The following CA10 variants were observed in gnomAD, a reference collection of about 807,000 sequenced individuals.
CA10 encodes the protein carbonic anhydrase 10 (inactive), also known as carbonic anhydrase-related protein 10.
In CA10, 14 loss-of-function variants were observed where a neutral mutation model predicts 44.2. The ratio of observed to expected loss-of-function variants is 0.32; its 90% confidence interval spans 0.21 to 0.50. CA10 has a LOEUF of 0.50. Ranked by LOEUF, CA10 falls within the 20% of genes least tolerant of loss-of-function variation. CA10 has a pLI of 0.99. For missense variants in CA10, 350 were observed against 409.7 expected (o/e 0.85, Z 1.26); for synonymous variants, 159 against 141.6 (o/e 1.12, Z -0.87).
chr17:51,725,069 C>T (rs1001583530), intron 4 of CA10, among the ~76,000 whole-genome samples: 3 of 152,194 alleles, frequency 2.0e-5, no homozygotes, highest in African/African-American at 4.8e-5. Flanking sequence ...GCCTGAGACT[C>T]GAAGAGGTGA....
At chr17:52,027,018 T>G (rs934977615) in intron 2 of CA10, among the ~76,000 whole-genome samples, 7 of 152,080 alleles carry the variant, frequency 4.6e-5, no homozygotes, top group Non-Finnish European at 8.8e-5. Flanking sequence ...TTTAAATAAT[T>G]ATACAACCTC....
intron 3 of CA10, among the ~76,000 whole-genome samples, chr17:51,909,572 G>C (rs1981706205): frequency 6.6e-6 from 1 of 152,134 alleles, no homozygotes; most frequent in Non-Finnish European, 1.5e-5. Context: ...ACAGTGTTGA[G>C]ATGAAACGGA....
At chr17:51,963,977 G>C (rs191762243) in intron 2 of CA10, among the ~76,000 whole-genome samples, 83 of 152,050 alleles carry the variant, frequency 5.5e-4, no homozygotes, top group African/African-American at 1.9e-3. Flanking sequence ...GTTGCTAGTT[G>C]GATAAAAAAC....
At chr17:51,690,584 T>G (rs927192043) in intron 4 of CA10, among the ~76,000 whole-genome samples, 1 of 152,164 alleles carries the variant, frequency 6.6e-6, no homozygotes, top group Non-Finnish European at 1.5e-5. Context: ...GTTCTTGTGA[T>G]AGTGAATAAG....
chr17:51,875,229 T>C (rs1319780548), intron 3 of CA10, among the ~76,000 whole-genome samples: 2 of 152,156 alleles, frequency 1.3e-5, no homozygotes, highest in African/African-American at 2.4e-5. Context: ...CAAGTTAGTC[T>C]TGAACTCCTG....
chr17:51,649,335 T>C, intron 5 of CA10, 81 bp from the exon 6 acceptor site: 1 of 1,022,390 alleles, frequency 9.8e-7, no homozygotes, highest in Non-Finnish European at 1.5e-6. Flanking sequence ...ACTTATTCAT[T>C]CATAGTTACT....
chr17:52,128,955 T>G (rs1989175291), intron 1 of CA10, among the ~76,000 whole-genome samples: 1 of 152,198 alleles, frequency 6.6e-6, no homozygotes, highest in African/African-American at 2.4e-5. Flanking sequence ...AGGCAAATCC[T>G]CACTATTTCA....
At chr17:51,854,174 T>C (rs761137604) in intron 3 of CA10, among the ~76,000 whole-genome samples, 1 of 152,162 alleles carries the variant, frequency 6.6e-6, no homozygotes, top group Non-Finnish European at 1.5e-5. Context: ...GTTTTCTTTC[T>C]CCACCTTCCT....
At chr17:51,966,146 A>G (rs1272887817) in intron 2 of CA10, among the ~76,000 whole-genome samples, 2 of 151,980 alleles carry the variant, frequency 1.3e-5, no homozygotes, top group African/African-American at 4.8e-5. Context: ...CTAAAAATAT[A>G]TCTAACCAAG....
intron 1 of CA10, among the ~76,000 whole-genome samples, chr17:52,072,678 T>TACACACACACACACACAC (rs58984767): frequency 7.6e-4 from 107 of 140,176 alleles, no homozygotes; most frequent in African/African-American, 2.8e-3. Context: ...ATCTTCCCCA[T>TACACACACACACACACAC]ACACACACAC....
At chr17:51,729,141 C>T (rs1042701852) in intron 4 of CA10, among the ~76,000 whole-genome samples, 3 of 152,124 alleles carry the variant, frequency 2.0e-5, no homozygotes, top group African/African-American at 7.2e-5. Flanking sequence ...ACACAATCTG[C>T]ACAATCTGTC....
At chr17:51,840,803 GA>G (rs35700885) in intron 3 of CA10, among the ~76,000 whole-genome samples, 1 of 152,106 alleles carries the variant, frequency 6.6e-6, no homozygotes, top group Non-Finnish European at 1.5e-5. Flanking sequence ...AAACCACAGT[GA>G]AAAAAAGTGT....
At chr17:51,917,321 A>G (rs1156614277) in intron 3 of CA10, among the ~76,000 whole-genome samples, 1 of 152,226 alleles carries the variant, frequency 6.6e-6, no homozygotes, top group Non-Finnish European at 1.5e-5. Context: ...TTGCCTGGGA[A>G]TACCAGGGAA....
intron 4 of CA10, among the ~76,000 whole-genome samples, chr17:51,698,671 A>G (rs911704274): frequency 3.3e-5 from 5 of 152,198 alleles, no homozygotes; most frequent in Admixed American, 6.5e-5. Flanking sequence ...AGAATTTATT[A>G]ATTTTGTATA....
intron 3 of CA10, among the ~76,000 whole-genome samples, chr17:51,784,442 C>T (rs1472078545): frequency 6.6e-6 from 1 of 152,162 alleles, no homozygotes; most frequent in Non-Finnish European, 1.5e-5. Flanking sequence ...TCAAAACCTA[C>T]TATGGAACAC....
intron 1 of CA10, among the ~76,000 whole-genome samples, chr17:52,135,601 T>C (rs905744817): frequency 7.2e-5 from 11 of 152,202 alleles, no homozygotes; most frequent in Admixed American, 2.0e-4. Context: ...ACCTCTCCCT[T>C]GAAGTGTCTG....
chr17:51,638,443 G>T lies in CA10; in HGVS notation c.635-2434C>A, dbSNP rs578093307. ...CCAAGGAACGAGGACATGCTCGAGA[G>T]AGACACAGTGATTGGAATATGGCCA... is the stretch of plus-strand genomic sequence containing the variant. On this transcript the variant is annotated intron_variant, in intron 6 of 8. Transcript: ENST00000451037. Among the ~76,000 whole-genome samples, 3 of 152,358 alleles carry T rather than the reference G, an allele frequency of 2.0e-5. No homozygotes were observed. In the South Asian group the frequency reaches 6.2e-4, roughly 32 times the overall value.
chr17:52,158,897 G>A (rs999183372), upstream of CA10, among the ~76,000 whole-genome samples: 7 of 152,264 alleles, frequency 4.6e-5, no homozygotes, highest in Middle Eastern at 3.4e-3. Flanking sequence ...GGAGGCAGGA[G>A]GCCCGGGCGG....
intron 3 of CA10, among the ~76,000 whole-genome samples, chr17:51,860,269 A>G (rs1979243506): frequency 6.6e-6 from 1 of 152,214 alleles, no homozygotes; most frequent in South Asian, 2.1e-4. Context: ...AGCCCTCCCT[A>G]TTTAGAACCA....
Sources: gnomAD v4.1 joint callset for allele counts (sites outside exome capture counted in the v4.1 genomes callset) on GRCh38, gnomAD v4.1.1 for gene constraint, MANE v1.5 for transcripts, NCBI Gene and HGNC (gene_info 2026-07-23, HGNC 2026-07-21) for gene names.